The following AGMO variants were observed in gnomAD, a reference collection of about 807,000 sequenced individuals.
The protein encoded by AGMO is glyceryl-ether monooxygenase.
A neutral mutation model predicts 60.2 loss-of-function variants in AGMO; 75 were observed. That is an observed-to-expected ratio of 1.25 (90% confidence interval 1.03 to 1.51). AGMO has a LOEUF of 1.51. AGMO is among the 40% of genes most tolerant of loss of function. The pLI, the probability that AGMO is intolerant of heterozygous loss-of-function variation, is 0.00. For missense variants in AGMO, 763 were observed against 525.5 expected (o/e 1.45, Z -4.42); for synonymous variants, 261 against 177.1 (o/e 1.47, Z -3.76).
At chr7:15,346,366 C>G (rs1421266779) in intron 12 of AGMO, among the ~76,000 whole-genome samples, 1 of 152,036 alleles carries the variant, frequency 6.6e-6, no homozygotes, top group African/African-American at 2.4e-5. Context: ...TAGTAAATAA[C>G]TTGGGCTTTG....
At position 15,561,968 on chromosome 7, in the gene AGMO, C is replaced by T. The variant is rs530298368; in HGVS notation, c.-123G>A. The stretch of plus-strand genomic sequence containing the variant: ...GCTCTTTGTCAGAGAACAGCTAAAA[C>T]CAAAGCTCCACTGAGAGCACACTCA... On this transcript the variant is annotated 5_prime_UTR_variant, in exon 1 of 13. Coordinates refer to ENST00000342526, the MANE Select transcript of AGMO (RefSeq NM_001004320.2). The T allele has an allele frequency of 2.0e-6, 2 of 1,023,940 alleles. No homozygotes were observed. Among genetic ancestry groups the T allele is most frequent in the East Asian group, 2.6e-5 (1 of 38,270 alleles). 63.4% of individuals were successfully genotyped at this position (1,023,940 alleles called of 1,614,324 possible). A position where few individuals can be genotyped will look rare whatever the true frequency, so the allele number is the denominator to read the frequency against.
Position 15,524,862 on chromosome 7 carries a change from C to CAA in AGMO, c.409+19908_409+19909dup, listed in dbSNP as rs5882524. Among the ~76,000 whole-genome samples, 457 of 135,460 alleles carry CAA rather than the reference C, an allele frequency of 3.4e-3. 2 individuals carry two copies. The highest frequency in any genetic ancestry group is 4.5e-3 in the Admixed American group (60 of 13,306). 88.9% of individuals were successfully genotyped at this position (135,460 alleles called of 152,430 possible). On this transcript the variant is annotated intron_variant, in intron 3 of 12. Coordinates refer to ENST00000342526, the MANE Select transcript of AGMO (RefSeq NM_001004320.2). The stretch of plus-strand genomic sequence containing the variant: ...GGGGAACAAAAGCAAAATTCCATCT[C>CAA]AAAAAAAAAAAAAAGAAAGAAATAT...
At chr7:15,255,968 T>C (rs377284178) in intron 12 of AGMO, among the ~76,000 whole-genome samples, 2 of 152,160 alleles carry the variant, frequency 1.3e-5, no homozygotes, top group African/African-American at 2.4e-5. Flanking sequence ...AGAACAGATA[T>C]CAGGGAGGTG....
intron 3 of AGMO, among the ~76,000 whole-genome samples, chr7:15,436,273 AT>A (rs1204612269): frequency 1.3e-5 from 2 of 151,902 alleles, no homozygotes; most frequent in Non-Finnish European, 2.9e-5. Flanking sequence ...ACAGGAATTT[AT>A]TTTTCACAGT....
intron 8 of AGMO, 147 bp downstream of exon 8, chr7:15,390,524 A>C (rs541494136): frequency 5.6e-5 from 29 of 514,802 alleles, no homozygotes; most frequent in African/African-American, 4.9e-4. Flanking sequence ...CTTGTGTAAC[A>C]AAGAGTTATT....
chr7:15,284,265 C>A (rs1784043917), intron 12 of AGMO, among the ~76,000 whole-genome samples: 1 of 151,656 alleles, frequency 6.6e-6, no homozygotes, highest in African/African-American at 2.4e-5. Flanking sequence ...TACAGAAAAA[C>A]AATACAAAAC....
the AGMO span, among the ~76,000 whole-genome samples, chr7:15,164,996 C>T: frequency 6.6e-6 from 1 of 152,040 alleles, no homozygotes; most frequent in African/African-American, 2.4e-5. Flanking sequence ...AAGAGTTCAT[C>T]AACAGATTAT....
At chr7:15,466,722 A>G (rs1782300898) in intron 3 of AGMO, among the ~76,000 whole-genome samples, 1 of 152,208 alleles carries the variant, frequency 6.6e-6, no homozygotes, top group Admixed American at 6.5e-5. Context: ...AGTATCGCTA[A>G]GGAGTTAAAG....
intron 3 of AGMO, among the ~76,000 whole-genome samples, chr7:15,431,566 A>C (rs1430213195): frequency 6.6e-6 from 1 of 151,802 alleles, no homozygotes; most frequent in Non-Finnish European, 1.5e-5. Flanking sequence ...AATATTAATG[A>C]AATTATTTCC....
intron 6 of AGMO, among the ~76,000 whole-genome samples, chr7:15,393,709 TAAATC>T (rs1018896570): frequency 1.3e-5 from 2 of 152,198 alleles, no homozygotes; most frequent in Non-Finnish European, 2.9e-5. Context: ...GGGCTCTCCT[TAAATC>T]AAAACAGTTT....
intron 12 of AGMO, among the ~76,000 whole-genome samples, chr7:15,240,167 C>T (rs1782549139): frequency 6.6e-6 from 1 of 152,020 alleles, no homozygotes; most frequent in Non-Finnish European, 1.5e-5. Context: ...TGCTAACTAC[C>T]TGGTGTGTTA....
intron 3 of AGMO, among the ~76,000 whole-genome samples, chr7:15,453,777 A>G (rs1781918536): frequency 1.3e-5 from 2 of 152,088 alleles, no homozygotes. Flanking sequence ...AGGGTCTGCC[A>G]ACAGGTTTGG....
At chr7:15,418,734 A>G (rs928018014) in intron 4 of AGMO, 81 bp from the exon 5 acceptor site, 1 of 826,560 alleles carries the variant, frequency 1.2e-6, no homozygotes. Flanking sequence ...TTCTGAATGC[A>G]TATTTCTTTA....
chr7:15,448,611 A>ATTT (rs11330514), intron 3 of AGMO, among the ~76,000 whole-genome samples: 2 of 131,164 alleles, frequency 1.5e-5, no homozygotes. Context: ...ATAAAGTTTA[A>ATTT]TTTTTTTTTT....
Position 15,367,130 on chromosome 7 carries a change from C to G in AGMO, c.1075-908G>C, listed in dbSNP as rs547537825. ...TTGGACTCTCAGTCAAAGGACTTTC[C>G]TTTAAATATTTGTCTCAATTTTAGT... On this transcript the variant is annotated intron_variant, in intron 10 of 12. Coordinates refer to ENST00000342526, the MANE Select transcript of AGMO (RefSeq NM_001004320.2). 9.2e-5 allele frequency among the ~76,000 whole-genome samples: 14 copies of G among 151,968 alleles called. No individual in the cohort carries two copies. The East Asian group carries it at 1.5e-3, about 17-fold the overall frequency.
At chr7:15,390,063 A>T (rs1334573805) in intron 8 of AGMO, among the ~76,000 whole-genome samples, 1 of 152,036 alleles carries the variant, frequency 6.6e-6, no homozygotes, top group Non-Finnish European at 1.5e-5. Flanking sequence ...TAACCCCAGG[A>T]GTATTTGTGG....
chr7:15,478,751 A>C (rs1192631286), intron 3 of AGMO, among the ~76,000 whole-genome samples: 2 of 152,178 alleles, frequency 1.3e-5, no homozygotes, highest in African/African-American at 4.8e-5. Context: ...TTTGTATTAA[A>C]GCCTGTTCAG....
intron 12 of AGMO, among the ~76,000 whole-genome samples, chr7:15,298,956 C>T (rs1220397635): frequency 6.6e-6 from 1 of 152,140 alleles, no homozygotes; most frequent in Non-Finnish European, 1.5e-5. Flanking sequence ...TGATATTTCA[C>T]ACCTCATGTC....
At chr7:15,261,098 CT>C (rs1410664865) in intron 12 of AGMO, among the ~76,000 whole-genome samples, 1 of 151,818 alleles carries the variant, frequency 6.6e-6, no homozygotes, top group Non-Finnish European at 1.5e-5. Flanking sequence ...AAAGTCACAC[CT>C]TATAAAACGG....
Sources: allele counts gnomAD v4.1 joint callset (sites outside exome capture counted in the v4.1 genomes callset), GRCh38; gene constraint gnomAD v4.1.1; transcripts MANE v1.5; gene names NCBI Gene and HGNC (gene_info 2026-07-23, HGNC 2026-07-21).